DIP2C: variants seen among roughly 807,000 people sequenced by gnomAD.
DIP2C encodes DIP2 acetate--CoA ligase C (putative), also known as disco-interacting protein 2 homolog C.
DIP2C carries 33 observed loss-of-function variants against 192.4 expected under a neutral mutation model. That is an observed-to-expected ratio of 0.17 (90% CI 0.13 to 0.23). The LOEUF (loss-of-function observed/expected upper bound fraction) is 0.23, where lower values mean the gene tolerates loss of function less well. Among genes scored for constraint, DIP2C ranks in the 10% least tolerant of loss-of-function variants. The pLI is 1.00. For missense variants in DIP2C, 1,537 were observed against 2,110.1 expected (o/e 0.73, Z 5.32); for synonymous variants, 979 against 864.1 (o/e 1.13, Z -2.33).
chr10:675,438 A>C (rs2119048753), intron 1 of DIP2C, among the ~76,000 whole-genome samples: 1 of 152,266 alleles, frequency 6.6e-6, no homozygotes, highest in East Asian at 1.9e-4. Context: ...ACAAAGATCA[A>C]AGAGGAACTA....
In DIP2C at chr10:356,522, G is replaced by C. The variant is rs758701938; in HGVS notation, c.2905-16C>G. 6.0e-5 allele frequency: 96 copies of C among 1,606,148 alleles called. 1 individual carries two copies. The South Asian group carries it at 9.8e-4, about 16-fold the overall frequency. ...GGAACAGGAACTGGAACAGAGCACG[G>C]GCATGAGGATCAGGCTGTGCGGTTG... On this transcript the variant is annotated splice_polypyrimidine_tract_variant and intron_variant, in intron 23 of 36. Coordinates refer to ENST00000280886, the MANE Select transcript of DIP2C (RefSeq NM_014974.3).
At chr10:504,436 A>G (rs374936004) in intron 1 of DIP2C, among the ~76,000 whole-genome samples, 1 of 152,196 alleles carries the variant, frequency 6.6e-6, no homozygotes, top group East Asian at 1.9e-4. Context: ...CCCAGCACAC[A>G]ATGTTGCCGT....
At chr10:506,049 C>T (rs923672260) in intron 1 of DIP2C, among the ~76,000 whole-genome samples, 2 of 152,208 alleles carry the variant, frequency 1.3e-5, no homozygotes. Flanking sequence ...TCACATTTGG[C>T]AGCACAAGGG....
intron 1 of DIP2C, among the ~76,000 whole-genome samples, chr10:536,446 G>T (rs1054864723): frequency 4.4e-4 from 67 of 152,320 alleles, no homozygotes; most frequent in African/African-American, 1.4e-3. Context: ...AGTCCCGGGG[G>T]CTAGAGTTGT....
intron 1 of DIP2C, among the ~76,000 whole-genome samples, chr10:537,462 C>CT (rs999556157): frequency 2.6e-5 from 4 of 152,192 alleles, no homozygotes; most frequent in African/African-American, 9.7e-5. Context: ...ACAAGTAGCC[C>CT]TCTAATGCCC....
chr10:464,244 C>A (rs757996553), intron 3 of DIP2C, among the ~76,000 whole-genome samples: 1 of 152,066 alleles, frequency 6.6e-6, no homozygotes, highest in Non-Finnish European at 1.5e-5. Context: ...GCAATCCATC[C>A]ATCTGACAAA....
intron 1 of DIP2C, among the ~76,000 whole-genome samples, chr10:585,063 T>C (rs1342499640): frequency 6.6e-6 from 1 of 152,006 alleles, no homozygotes; most frequent in Non-Finnish European, 1.5e-5. Flanking sequence ...GCCCACGACC[T>C]GGCCCCCACT....
rs145781530 is a variant in DIP2C at position 446,059 on chromosome 10, C to T, written c.269-5063G>A. On this transcript the variant is annotated intron_variant, in intron 3 of 36. Coordinates refer to ENST00000280886, the MANE Select transcript of DIP2C (RefSeq NM_014974.3). ...TATACATCTGTTGTGAAGAGTCTCA[C>T]AGGCCCACTGGGCATCTGTATACGT... Among the ~76,000 whole-genome samples, 22 of 150,528 alleles carry T rather than the reference C, an allele frequency of 1.5e-4. No individual in the cohort carries two copies. The East Asian group carries it at 4.2e-3, about 28-fold the overall frequency.
At chr10:572,469 C>T (rs816627) in intron 1 of DIP2C, among the ~76,000 whole-genome samples, 46,778 of 152,126 alleles carry the variant, frequency 0.31, 12,398 homozygotes, top group African/African-American at 0.72. Context: ...TGATGACACT[C>T]TCTCAATATT....
At chr10:473,614 C>T (rs1403476511) in intron 2 of DIP2C, among the ~76,000 whole-genome samples, 3 of 151,512 alleles carry the variant, frequency 2.0e-5, no homozygotes, top group African/African-American at 4.9e-5. Flanking sequence ...CATCCTACGC[C>T]GTCCCCACAG....
chr10:319,062 G>A (rs1016417502), intron 31 of DIP2C, among the ~76,000 whole-genome samples: 2 of 152,022 alleles, frequency 1.3e-5, no homozygotes, highest in Non-Finnish European at 2.9e-5. Flanking sequence ...ACAGATGCGT[G>A]CCAATGAACC....
chr10:509,785 T>C (rs1845887562), intron 1 of DIP2C, among the ~76,000 whole-genome samples: 2 of 151,670 alleles, frequency 1.3e-5, no homozygotes, highest in African/African-American at 4.9e-5. Flanking sequence ...GGCGCCGCAG[T>C]CTCCTCCCAG....
At chr10:304,739 T>C (rs1486799001) in intron 32 of DIP2C, among the ~76,000 whole-genome samples, 1 of 101,256 alleles carries the variant, frequency 9.9e-6, no homozygotes, top group East Asian at 2.4e-4. Context: ...ACATGTAACA[T>C]ACTTACACAC....
chr10:540,776 A>T (rs773912298), intron 1 of DIP2C, among the ~76,000 whole-genome samples: 3 of 152,246 alleles, frequency 2.0e-5, no homozygotes, highest in African/African-American at 7.2e-5. Flanking sequence ...TGCATCCTGT[A>T]AGGTGCATTT....
chr10:289,584 C>T (rs1955371340), intron 32 of DIP2C, among the ~76,000 whole-genome samples: 1 of 152,174 alleles, frequency 6.6e-6, no homozygotes, highest in African/African-American at 2.4e-5. Flanking sequence ...AGATTTGAAA[C>T]ACACCAAGAA....
intron 2 of DIP2C, among the ~76,000 whole-genome samples, chr10:478,718 G>T (rs184846446): frequency 1.3e-5 from 2 of 149,626 alleles, no homozygotes; most frequent in African/African-American, 4.9e-5. Flanking sequence ...GTGTCCGGGC[G>T]TGCTGGGGGT....
intron 1 of DIP2C, among the ~76,000 whole-genome samples, chr10:611,329 TATCA>T (rs1485695905): frequency 5.3e-5 from 8 of 152,158 alleles, no homozygotes; most frequent in East Asian, 1.9e-4. Context: ...CTTTTTTCCT[TATCA>T]ATTACCCAGC....
chr10:348,771 G>A lies in DIP2C; in HGVS notation c.3110-9C>T, dbSNP rs746688867. On this transcript the variant is annotated splice_polypyrimidine_tract_variant and intron_variant, in intron 25 of 36. Coordinates refer to ENST00000280886, the MANE Select transcript of DIP2C (RefSeq NM_014974.3). ...TGCTATCAGGTCTATTCCTACACAAGGAGAGAAACATCATCATTGAAGCAG... is the reference window on the plus strand; with the variant it reads ...TGCTATCAGGTCTATTCCTACACAAAGAGAGAAACATCATCATTGAAGCAG... The A allele has an allele frequency of 6.2e-7, 1 of 1,612,710 alleles. No homozygotes were observed. Among genetic ancestry groups the A allele is most frequent in the Non-Finnish European group, 8.5e-7 (1 of 1,179,642 alleles).
intron 1 of DIP2C, among the ~76,000 whole-genome samples, chr10:680,804 C>T (rs757093189): frequency 1.3e-5 from 2 of 152,234 alleles, no homozygotes; most frequent in Non-Finnish European, 2.9e-5. Context: ...CTGTGTCAGG[C>T]GAGGGAGTAA....
Sources: allele counts gnomAD v4.1 joint callset (sites outside exome capture counted in the v4.1 genomes callset), GRCh38; gene constraint gnomAD v4.1.1; transcripts MANE v1.5; gene names NCBI Gene and HGNC (gene_info 2026-07-23, HGNC 2026-07-21).